CDC42BPA: variants seen among roughly 807,000 people sequenced by gnomAD.
The protein encoded by CDC42BPA is CDC42 binding protein kinase alpha.
Under a neutral mutation model 223.5 loss-of-function variants are expected in CDC42BPA, and 80 were observed. That is an observed-to-expected ratio of 0.36 (90% CI 0.30 to 0.43). CDC42BPA has a LOEUF of 0.43. CDC42BPA is among the 20% of genes least tolerant of loss of function. CDC42BPA has a pLI of 1.00. For synonymous variants in CDC42BPA, 694 were observed against 718.6 expected, an observed-to-expected ratio of 0.97 and a Z score of 0.55; for missense variants, 1,743 against 2,099.9, an observed-to-expected ratio of 0.83 and a Z score of 3.32.
At chr1:227,102,272 G>C (rs1429677521) in intron 14 of CDC42BPA, among the ~76,000 whole-genome samples, 1 of 152,102 alleles carries the variant, frequency 6.6e-6, no homozygotes. Flanking sequence ...AAATAGCCCT[G>C]GCGTGTCCAC....
intron 13 of CDC42BPA, 73 bp downstream of exon 13, chr1:227,112,593 ATATAT>A: frequency 5.2e-6 from 6 of 1,149,632 alleles, no homozygotes; most frequent in Admixed American, 5.6e-5. Flanking sequence ...TTTAAAAATT[ATATAT>A]TATATTACTA....
chr1:227,100,933 T>C (rs2149311308), intron 15 of CDC42BPA, 59 bp downstream of exon 15: 2 of 1,089,330 alleles, frequency 1.8e-6, no homozygotes, highest in East Asian at 4.8e-5. Context: ...TCTCCAATAC[T>C]TGACACATAA....
At chr1:227,083,754 A>G (rs1681213442) in intron 16 of CDC42BPA, among the ~76,000 whole-genome samples, 1 of 152,198 alleles carries the variant, frequency 6.6e-6, no homozygotes, top group Non-Finnish European at 1.5e-5. Context: ...AAAGATTGAA[A>G]TACTTGGAGA....
intron 22 of CDC42BPA, among the ~76,000 whole-genome samples, chr1:227,048,355 C>G (rs1014471261): frequency 1.3e-5 from 2 of 151,718 alleles, no homozygotes; most frequent in African/African-American, 4.8e-5. Flanking sequence ...TCTGAATTTG[C>G]CATATTCTAA....
intron 3 of CDC42BPA, among the ~76,000 whole-genome samples, chr1:227,210,268 CG>C (rs1475513789): frequency 2.6e-5 from 4 of 152,124 alleles, no homozygotes; most frequent in African/African-American, 7.2e-5. Context: ...AATGGTATTT[CG>C]AGGACTATTT....
intron 1 of CDC42BPA, among the ~76,000 whole-genome samples, chr1:227,288,388 A>G (rs1689135906): frequency 6.6e-6 from 1 of 151,954 alleles, no homozygotes. Context: ...AAATAAAAAA[A>G]TGAAAAATCT....
chr1:227,087,060 AT>A (rs1337223143), intron 16 of CDC42BPA, among the ~76,000 whole-genome samples: 3 of 151,976 alleles, frequency 2.0e-5, no homozygotes, highest in Non-Finnish European at 4.4e-5. Flanking sequence ...ACGTCTTTTC[AT>A]TTTCTTAATG....
chr1:227,075,212 C>G (rs1357300297), intron 17 of CDC42BPA, among the ~76,000 whole-genome samples: 1 of 152,170 alleles, frequency 6.6e-6, no homozygotes, highest in African/African-American at 2.4e-5. Context: ...ATTCTAAACA[C>G]ACTTTGGGGA....
At chr1:227,066,129 G>C (rs776197386) in intron 21 of CDC42BPA, among the ~76,000 whole-genome samples, 2 of 152,138 alleles carry the variant, frequency 1.3e-5, no homozygotes, top group Non-Finnish European at 2.9e-5. Context: ...GGTGGCTCAC[G>C]CCTGTAATCC....
At chr1:227,250,827 G>A (rs143563846) in intron 2 of CDC42BPA, among the ~76,000 whole-genome samples, 2 of 152,246 alleles carry the variant, frequency 1.3e-5, no homozygotes, top group African/African-American at 2.4e-5. Context: ...TGAGGCAGGA[G>A]GACTCCTTGA....
At position 226,993,294 on chromosome 1, in the gene CDC42BPA, AT is replaced by A. The variant is rs960405821; in HGVS notation, c.*973del. 6.6e-6 allele frequency: 1 copy of A among 152,232 alleles called. No homozygotes were observed. The highest frequency in any genetic ancestry group is 2.4e-5 in the African/African-American group (1 of 41,450). 9.4% of individuals were successfully genotyped at this position (152,232 alleles called of 1,614,324 possible). A position where few individuals can be genotyped will look rare whatever the true frequency, so the allele number is the denominator to read the frequency against. Reference sequence around the variant, plus strand: ...AGGTGACAGAATCGTGTATTTCTACATTTATCTGCGGAAGATAAAATACAAT... The same window carrying A: ...AGGTGACAGAATCGTGTATTTCTACATTATCTGCGGAAGATAAAATACAAT... On this transcript the variant is annotated 3_prime_UTR_variant, in exon 37 of 37. Coordinates refer to ENST00000366766, the MANE Select transcript of CDC42BPA (RefSeq NM_001394014.1).
At chr1:227,316,075 T>A (rs1290651680) in intron 1 of CDC42BPA, among the ~76,000 whole-genome samples, 1 of 152,082 alleles carries the variant, frequency 6.6e-6, no homozygotes, top group African/African-American at 2.4e-5. Context: ...CTAAAATGAT[T>A]AGTATTCCAA....
At position 226,990,365 on chromosome 1, in the gene CDC42BPA, C is replaced by T. The variant is rs1452065184; in HGVS notation, c.*3903G>A. On this transcript the variant is annotated 3_prime_UTR_variant, in exon 37 of 37. Coordinates refer to ENST00000366766, the MANE Select transcript of CDC42BPA (RefSeq NM_001394014.1). ...GTGCTGGGGGGCAGGGCTTACACTC[C>T]TTATCTAGCAGAAGTGCACAGAGAA... The T allele has an allele frequency of 6.6e-6, 1 of 152,216 alleles. No homozygotes were observed. The highest frequency in any genetic ancestry group is 1.5e-5 in the Non-Finnish European group (1 of 68,044). 9.4% of individuals were successfully genotyped at this position (152,216 alleles called of 1,614,324 possible).
chr1:227,040,558 T>C (rs991948077), intron 23 of CDC42BPA, among the ~76,000 whole-genome samples: 2 of 152,204 alleles, frequency 1.3e-5, no homozygotes, highest in African/African-American at 4.8e-5. Context: ...ATCCAAATTA[T>C]TGTTCAGCAA....
At chr1:226,995,502 C>T (rs201600147) in intron 35 of CDC42BPA, among the ~76,000 whole-genome samples, 1 of 151,884 alleles carries the variant, frequency 6.6e-6, no homozygotes, top group African/African-American at 2.4e-5. Flanking sequence ...TGTACCATCC[C>T]GAGAGAGGCC....
chr1:227,077,213 G>C (rs1006225316), intron 17 of CDC42BPA, among the ~76,000 whole-genome samples: 3 of 152,130 alleles, frequency 2.0e-5, no homozygotes, highest in African/African-American at 7.2e-5. Flanking sequence ...TACCAGCTGT[G>C]TAACTTTGGG....
At chr1:227,159,348 G>A (rs747257669) in intron 6 of CDC42BPA, among the ~76,000 whole-genome samples, 15 of 152,072 alleles carry the variant, frequency 9.9e-5, no homozygotes, top group South Asian at 4.1e-4. Context: ...TTAGCCAGGC[G>A]TGGTGGTGCT....
At chr1:227,262,145 A>T (rs1180017130) in intron 1 of CDC42BPA, among the ~76,000 whole-genome samples, 2 of 152,204 alleles carry the variant, frequency 1.3e-5, no homozygotes, top group African/African-American at 4.8e-5. Flanking sequence ...AACTCAAGAG[A>T]ATAATACAAT....
At position 227,166,892 on chromosome 1, in the gene CDC42BPA, G is replaced by A. The variant is rs552471017; in HGVS notation, c.600-6256C>T. ...GCATAGATACTTCATTCAAACTTGG[G>A]GGAGGGGGGCTCAAGAGAGGAGGAA... is the stretch of plus-strand genomic sequence containing the variant. On this transcript the variant is annotated intron_variant, in intron 5 of 36. Coordinates refer to ENST00000366766, the MANE Select transcript of CDC42BPA (RefSeq NM_001394014.1). 4.6e-5 allele frequency among the ~76,000 whole-genome samples: 7 copies of A among 152,266 alleles called. No individual in the cohort carries two copies. The South Asian group carries it at 1.2e-3, about 27-fold the overall frequency.
Sources: allele counts gnomAD v4.1 joint callset (sites outside exome capture counted in the v4.1 genomes callset), GRCh38; gene constraint gnomAD v4.1.1; transcripts MANE v1.5; gene names NCBI Gene and HGNC (gene_info 2026-07-23, HGNC 2026-07-21).